The following LHFPL3 variants were observed in gnomAD, a reference collection of about 807,000 sequenced individuals.
LHFPL3 encodes the protein LHFPL tetraspan subfamily member 3.
A neutral mutation model predicts 19.3 loss-of-function variants in LHFPL3; 5 were observed. The observed-to-expected ratio is 0.26, with a 90% CI of 0.14 to 0.54. The LOEUF (loss-of-function observed/expected upper bound fraction) is 0.54. Ranked by LOEUF, LHFPL3 falls within the 20% of genes least tolerant of loss-of-function variation. The pLI, the probability that LHFPL3 is intolerant of heterozygous loss-of-function variation, is 0.94. For synonymous variants in LHFPL3, 133 were observed against 126.2 expected, an observed-to-expected ratio of 1.05 and a Z score of -0.36; for missense variants, 249 against 307.4, an observed-to-expected ratio of 0.81 and a Z score of 1.42.
intron 1 of LHFPL3, among the ~76,000 whole-genome samples, chr7:104,454,742 C>T (rs564027161): frequency 2.9e-4 from 44 of 152,270 alleles, no homozygotes; most frequent in African/African-American, 1.1e-3. Flanking sequence ...TTGTTTCCTT[C>T]TCTACCATCT....
At chr7:104,474,684 CAACAAAAAAAAAA>C (rs1792975618) in intron 1 of LHFPL3, among the ~76,000 whole-genome samples, 1 of 70,820 alleles carries the variant, frequency 1.4e-5, no homozygotes, top group Non-Finnish European at 2.7e-5. Context: ...ACAACAACAA[CAACAAAAAAAAAA>C]AAAAAAAAAA....
intron 1 of LHFPL3, among the ~76,000 whole-genome samples, chr7:104,453,493 TG>T (rs1331266820): frequency 2.2e-4 from 34 of 152,292 alleles, no homozygotes; most frequent in Admixed American, 1.8e-3. Flanking sequence ...AAGACATTCC[TG>T]GGTTGTAGAA....
At chr7:104,859,061 G>C (rs1241652620) in intron 2 of LHFPL3, among the ~76,000 whole-genome samples, 1 of 150,424 alleles carries the variant, frequency 6.6e-6, no homozygotes, top group Admixed American at 6.6e-5. Context: ...TCAGGAGTTC[G>C]AGACCAGCCT....
chr7:104,539,458 C>A (rs572641931), intron 1 of LHFPL3, among the ~76,000 whole-genome samples: 1 of 152,276 alleles, frequency 6.6e-6, no homozygotes, highest in East Asian at 1.9e-4. Context: ...GGGCATAAAA[C>A]TTAATACTTA....
chr7:104,594,035 C>G (rs1227289243), intron 1 of LHFPL3, among the ~76,000 whole-genome samples: 1 of 152,178 alleles, frequency 6.6e-6, no homozygotes, highest in Non-Finnish European at 1.5e-5. Context: ...AGCCGATTTA[C>G]ATTCAAGGTT....
intron 2 of LHFPL3, among the ~76,000 whole-genome samples, chr7:104,832,580 T>C (rs1584562892): frequency 6.6e-6 from 1 of 151,782 alleles, no homozygotes; most frequent in Admixed American, 6.6e-5. Flanking sequence ...CTGCCAGAGC[T>C]TACCACCTTG....
intron 1 of LHFPL3, among the ~76,000 whole-genome samples, chr7:104,426,510 C>T (rs562149096): frequency 6.6e-6 from 1 of 152,196 alleles, no homozygotes; most frequent in East Asian, 1.9e-4. Context: ...CCCACCTTGG[C>T]CTCCCAAAGT....
intron 1 of LHFPL3, among the ~76,000 whole-genome samples, chr7:104,515,439 CT>C (rs995442740): frequency 1.3e-5 from 2 of 152,180 alleles, no homozygotes; most frequent in Non-Finnish European, 2.9e-5. Context: ...AGCAGTGCCC[CT>C]GTTCAAAGAA....
intron 2 of LHFPL3, chr7:104,785,504 A>T (rs913978274): frequency 2.6e-5 from 4 of 152,288 alleles, no homozygotes; most frequent in Non-Finnish European, 4.4e-5. Context: ...TGACTGTCCC[A>T]TAGGTCCCTC....
intron 1 of LHFPL3, among the ~76,000 whole-genome samples, chr7:104,655,424 A>G (rs535456205): frequency 1.6e-4 from 24 of 152,320 alleles, no homozygotes; most frequent in African/African-American, 5.8e-4. Flanking sequence ...GGTCATCCCA[A>G]TAGTAAATAA....
chr7:104,564,887 C>T (rs1439483388), intron 1 of LHFPL3, among the ~76,000 whole-genome samples: 3 of 152,284 alleles, frequency 2.0e-5, no homozygotes, highest in East Asian at 1.9e-4. Context: ...CCATCTTCCT[C>T]GCAGTGCTAG....
At chr7:104,746,463 T>G (rs1209510395) in intron 2 of LHFPL3, among the ~76,000 whole-genome samples, 1 of 152,190 alleles carries the variant, frequency 6.6e-6, no homozygotes, top group East Asian at 1.9e-4. Context: ...CTTGTTTTAC[T>G]GATGAAAAAG....
At chr7:104,504,033 A>G (rs1236498413) in intron 1 of LHFPL3, among the ~76,000 whole-genome samples, 2 of 152,234 alleles carry the variant, frequency 1.3e-5, no homozygotes, top group Non-Finnish European at 2.9e-5. Flanking sequence ...TAGAGAAGAT[A>G]GTAGTCAAGT....
chr7:104,710,755 A>C (rs1793286775), intron 1 of LHFPL3, among the ~76,000 whole-genome samples: 1 of 152,200 alleles, frequency 6.6e-6, no homozygotes, highest in Non-Finnish European at 1.5e-5. Context: ...TTGGCACATA[A>C]TAAATGCTCA....
chr7:104,897,947 A>G (rs1346217652), intron 2 of LHFPL3, among the ~76,000 whole-genome samples: 2 of 150,850 alleles, frequency 1.3e-5, no homozygotes, highest in South Asian at 4.2e-4. Flanking sequence ...TTAAACCAGA[A>G]TGGGATCCAC....
chr7:104,551,271 T>C (rs965552166), intron 1 of LHFPL3, among the ~76,000 whole-genome samples: 1 of 152,234 alleles, frequency 6.6e-6, no homozygotes. Flanking sequence ...AGAATAGATT[T>C]GCATTTCTTC....
At position 104,328,791 on chromosome 7, in the gene LHFPL3, C is replaced by A. The variant is rs954851130; in HGVS notation, c.12C>A (p.Ala4=). 1.8e-5 allele frequency: 28 copies of A among 1,594,918 alleles called. No individual in the cohort carries two copies. The African/African-American group carries it at 2.7e-4, about 15-fold the overall frequency. MPG[A]AAAAAAAAAA... ...GGAGGAGGGGGAGAATGCCCGGAGC[C>A]GCCGCCGCTGCCGCCGCCGCCGCCG... is the stretch of plus-strand genomic sequence containing the variant. Residue 4 remains alanine (A), a synonymous_variant, in exon 1 of 3, where the codon GCC becomes GCA. Transcript: ENST00000424859. This position sits in a 1 kb window ranked among gnomAD's most constrained non-coding sequence, Gnocchi z 4.6.
At position 104,559,519 on chromosome 7, in the gene LHFPL3, T is replaced by C. The variant is rs1221514688; in HGVS notation, c.446-177156T>C. Among the ~76,000 whole-genome samples, 8 of 150,680 alleles carry C rather than the reference T, an allele frequency of 5.3e-5. No individual in the cohort carries two copies. The East Asian group carries it at 7.8e-4, about 15-fold the overall frequency. On this transcript the variant is annotated intron_variant, in intron 1 of 2. Coordinates refer to ENST00000424859, the MANE Select transcript of LHFPL3 (RefSeq NM_199000.3). ...TGTATAAGAATGCTTGTGATTTTTG[T>C]ACATTGATTTTGTATCCTGAGACTT... is the stretch of plus-strand genomic sequence containing the variant.
intron 1 of LHFPL3, among the ~76,000 whole-genome samples, chr7:104,445,235 T>A (rs556307371): frequency 6.6e-6 from 1 of 152,318 alleles, no homozygotes; most frequent in South Asian, 2.1e-4. Flanking sequence ...ATTGGTCTTT[T>A]ATGAAACTGA....
Sources: allele counts gnomAD v4.1 joint callset (sites outside exome capture counted in the v4.1 genomes callset), GRCh38; gene constraint gnomAD v4.1.1; non-coding constraint Gnocchi (gnomAD v3.1); transcripts MANE v1.5; gene names NCBI Gene and HGNC (gene_info 2026-07-23, HGNC 2026-07-21).